Variants in MED28 observed in about 807,000 individuals in gnomAD.
MED28 encodes the protein mediator complex subunit 28, also known as mediator of RNA polymerase II transcription subunit 28.
Under a neutral mutation model 21.3 loss-of-function variants are expected in MED28, and 26 were observed. That is an observed-to-expected ratio of 1.22 (90% CI 0.89 to 1.69). The LOEUF is 1.69. Among genes scored for constraint, MED28 ranks in the 40% most tolerant of loss-of-function variants. The probability of loss-of-function intolerance (pLI) is 0.00; values close to 1 mark genes in which losing one functional copy is unlikely to be tolerated. For missense variants in MED28, 257 were observed against 215.4 expected, an observed-to-expected ratio of 1.19 and a Z score of -1.21; for synonymous variants, 110 against 87.6, an observed-to-expected ratio of 1.26 and a Z score of -1.43.
At chr4:17,616,563 C>T (rs1280043176) in intron 1 of MED28, among the ~76,000 whole-genome samples, 2 of 152,204 alleles carry the variant, frequency 1.3e-5, no homozygotes. Context: ...CCTTCAGACT[C>T]GTTTCCTTAC....
chr4:17,632,568 C>T lies in MED28; in HGVS notation c.*8770C>T, dbSNP rs754481241. 10 of 1,551,196 alleles carry T rather than the reference C, an allele frequency of 6.4e-6. No homozygotes were observed. Among genetic ancestry groups the T allele is most frequent in the South Asian group, 2.4e-5 (2 of 84,044 alleles). On this transcript the variant is annotated 3_prime_UTR_variant, in exon 4 of 4. Coordinates refer to ENST00000237380, the MANE Select transcript of MED28 (RefSeq NM_025205.5). Reference sequence around the variant, plus strand: ...AGTACTTGGTGAACCATTCCTGGTGCGGAGAGCCCTGTTTCTGCTGGACTT... The same window carrying T: ...AGTACTTGGTGAACCATTCCTGGTGTGGAGAGCCCTGTTTCTGCTGGACTT...
At chr4:17,614,890 C>T in intron 1 of MED28, 77 bp downstream of exon 1, 1 of 1,470,414 alleles carries the variant, frequency 6.8e-7, no homozygotes, top group Non-Finnish European at 9.1e-7. Context: ...CGCGTATCTC[C>T]TCCAGGGATC....
In MED28 at chr4:17,633,642, C is replaced by G; in HGVS notation, c.*9844C>G. ...GAAAGAATCCTACTTCCCCTCTTAT[C>G]TACAGGGAAATAGAATAAGGGCCCC... is the stretch of plus-strand genomic sequence containing the variant. On this transcript the variant is annotated 3_prime_UTR_variant, in exon 4 of 4. Transcript: ENST00000237380. 24 of 1,398,168 alleles carry G rather than the reference C, an allele frequency of 1.7e-5. No homozygotes were observed. Among genetic ancestry groups the G allele is most frequent in the Non-Finnish European group, 2.3e-5 (24 of 1,064,896 alleles). The allele number at this position is 1,398,168 out of a possible 1,614,324, so 86.6% of individuals were successfully genotyped here.
In MED28 at chr4:17,632,707, A is replaced by G; in HGVS notation, c.*8909A>G. 1 of 920,836 alleles carries G rather than the reference A, an allele frequency of 1.1e-6. No homozygotes were observed. Among genetic ancestry groups the G allele is most frequent in the Non-Finnish European group, 1.7e-6 (1 of 595,790 alleles). The allele number at this position is 920,836 out of a possible 1,614,324, so 57.0% of individuals were successfully genotyped here. A position where few individuals can be genotyped will look rare whatever the true frequency, so the allele number is the denominator to read the frequency against. ...TAATACCCACCATCTTTTCAGGGAA[A>G]GATAACTGCTTGTTTACTCTTCAAA... On this transcript the variant is annotated 3_prime_UTR_variant, in exon 4 of 4. Coordinates refer to ENST00000237380, the MANE Select transcript of MED28 (RefSeq NM_025205.5).
rs566778111 is a variant in MED28, at chr4:17,626,963, ATT to A, written c.*3183_*3184del. 0.55 allele frequency: 69,180 copies of A among 125,624 alleles called. 18,826 individuals carry two copies. Among genetic ancestry groups the A allele is most frequent in the East Asian group, 0.8 (3,303 of 4,128 alleles). 7.8% of individuals were successfully genotyped at this position (125,624 alleles called of 1,614,324 possible). ...CCTCAGCCTCCCAAGTAGCTGGGCT[ATT>A]TTTTTTTTTTTTTTTTTGAGATGGA... On this transcript the variant is annotated 3_prime_UTR_variant, in exon 4 of 4. Coordinates refer to ENST00000237380, the MANE Select transcript of MED28 (RefSeq NM_025205.5).
intron 1 of MED28, among the ~76,000 whole-genome samples, chr4:17,616,777 A>C (rs1455340542): frequency 2.0e-5 from 3 of 152,102 alleles, no homozygotes; most frequent in African/African-American, 7.2e-5. Flanking sequence ...TAGTGCTAAT[A>C]CAGTGGTAGT....
In MED28 at chr4:17,633,916, C is replaced by A; in HGVS notation, c.*10118C>A. 7.4e-7 allele frequency: 1 copy of A among 1,358,654 alleles called. No individual in the cohort carries two copies. The highest frequency in any genetic ancestry group is 1.6e-5 in the South Asian group (1 of 61,530). 84.2% of individuals were successfully genotyped at this position (1,358,654 alleles called of 1,614,324 possible). A position where few individuals can be genotyped will look rare whatever the true frequency, so the allele number is the denominator to read the frequency against. ...GTTTGTATTAATGGACAGGTTAGTG[C>A]AATGCAATGCAAAAAACAAAATAAA... On this transcript the variant is annotated 3_prime_UTR_variant, in exon 4 of 4. Coordinates refer to ENST00000237380, the MANE Select transcript of MED28 (RefSeq NM_025205.5).
At position 17,630,240 on chromosome 4, in the gene MED28, C is replaced by T. The variant is rs1161980197; in HGVS notation, c.*6442C>T. The T allele has an allele frequency of 2.0e-5, 3 of 152,132 alleles. No homozygotes were observed. The highest frequency in any genetic ancestry group is 4.4e-5 in the Non-Finnish European group (3 of 68,006). 9.4% of individuals were successfully genotyped at this position (152,132 alleles called of 1,614,324 possible). A position where few individuals can be genotyped will look rare whatever the true frequency, so the allele number is the denominator to read the frequency against. ...TGAAAGCACAAAATAAAGAGCAGTC[C>T]TACAGGGTTCACTGCTATGTCCTGA... On this transcript the variant is annotated 3_prime_UTR_variant, in exon 4 of 4. Transcript: ENST00000237380.
chr4:17,615,683 G>C (rs1476934430), intron 1 of MED28, among the ~76,000 whole-genome samples: 5 of 152,078 alleles, frequency 3.3e-5, no homozygotes, highest in Admixed American at 3.3e-4. Flanking sequence ...GGTGGCGTGC[G>C]CCTGTAATCC....
Position 17,633,409 on chromosome 4 carries a change from A to G in MED28, c.*9611A>G. ...CTGTATTATCTTAATTTTAAAGGCA[A>G]GGTATATGGAGACCTGGAGAGGTCA... On this transcript the variant is annotated 3_prime_UTR_variant, in exon 4 of 4. Coordinates refer to ENST00000237380, the MANE Select transcript of MED28 (RefSeq NM_025205.5). 1 of 280,976 alleles carries G rather than the reference A, an allele frequency of 3.6e-6. No individual in the cohort carries two copies. Among genetic ancestry groups the G allele is most frequent in the Non-Finnish European group, 6.6e-6 (1 of 152,400 alleles). The allele number at this position is 280,976 out of a possible 1,614,324, so 17.4% of individuals were successfully genotyped here.
rs1321890516 is a variant in MED28, at chr4:17,628,320, ATG to A, written c.*4528_*4529del. ...TGTATATGCGTATATATGTGTATGT[ATG>A]TGTGTATATATATATGTGTGTGTGT... On this transcript the variant is annotated 3_prime_UTR_variant, in exon 4 of 4. Transcript: ENST00000237380. The A allele has an allele frequency of 3.0e-5, 4 of 135,502 alleles. No homozygotes were observed. Among genetic ancestry groups the A allele is most frequent in the African/African-American group, 8.3e-5 (3 of 36,044 alleles). The allele number at this position is 135,502 out of a possible 1,614,324, so 8.4% of individuals were successfully genotyped here. A position where few individuals can be genotyped will look rare whatever the true frequency, so the allele number is the denominator to read the frequency against.
intron 1 of MED28, 88 bp from the exon 2 acceptor site, chr4:17,619,813 G>A (rs573060005): frequency 9.8e-6 from 11 of 1,127,730 alleles, no homozygotes; most frequent in Non-Finnish European, 1.5e-5. Context: ...CTCATCAGAT[G>A]ACTTCAGGAG....
Position 17,628,346 on chromosome 4 carries a change from G to GTATATATATATA in MED28, c.*4550_*4561dup, listed in dbSNP as rs374545832. 1 of 150,528 alleles carries GTATATATATATA rather than the reference G, an allele frequency of 6.6e-6. No homozygotes were observed. The highest frequency in any genetic ancestry group is 2.4e-5 in the African/African-American group (1 of 40,916). 9.3% of individuals were successfully genotyped at this position (150,528 alleles called of 1,614,324 possible). A position where few individuals can be genotyped will look rare whatever the true frequency, so the allele number is the denominator to read the frequency against. ...TGTGTGTATATATATATGTGTGTGT[G>GTATATATATATA]TATATATATATATGCAATTATACCT... On this transcript the variant is annotated 3_prime_UTR_variant, in exon 4 of 4. Transcript: ENST00000237380.
At position 17,621,672 on chromosome 4, in the gene MED28, C is replaced by T. The variant is rs1271077334; in HGVS notation, c.312C>T (p.Val104=). The change falls in exon 3 of 4, where the codon GTC becomes GTT. Residue 104 remains valine, a synonymous_variant. Transcript: ENST00000237380. ...TACAAAAAAGATTGCAGTTATCTGT[C>T]CAGAAACCAGAGCAAGTTATCAAAG... ...FFLQKRLQLS[V]QKPEQVIKED... 6.2e-7 allele frequency: 1 copy of T among 1,610,766 alleles called. No individual in the cohort carries two copies. The highest frequency in any genetic ancestry group is 1.7e-5 in the Admixed American group (1 of 59,564).
chr4:17,616,542 T>G (rs1714457318), intron 1 of MED28, among the ~76,000 whole-genome samples: 1 of 152,212 alleles, frequency 6.6e-6, no homozygotes, highest in Non-Finnish European at 1.5e-5. Flanking sequence ...GCTTTGCATG[T>G]TGCGTTCTCT....
intron 1 of MED28, among the ~76,000 whole-genome samples, chr4:17,617,497 C>T (rs1032724307): frequency 6.6e-6 from 1 of 152,190 alleles, no homozygotes; most frequent in Admixed American, 6.5e-5. Context: ...GGTAGAGAAA[C>T]TGAGGCTCAG....
chr4:17,632,223 C>T lies in MED28; in HGVS notation c.*8425C>T, dbSNP rs758610773. 46 of 171,162 alleles carry T rather than the reference C, an allele frequency of 2.7e-4. No individual in the cohort carries two copies. The highest frequency in any genetic ancestry group is 4.4e-4 in the Non-Finnish European group (35 of 79,468). 10.6% of individuals were successfully genotyped at this position (171,162 alleles called of 1,614,324 possible). ...CCAAGTACCTGGGACCACAGGCACA[C>T]GCCACCATGCCTGGCTAATTTTTGT... On this transcript the variant is annotated 3_prime_UTR_variant, in exon 4 of 4. Transcript: ENST00000237380.
At chr4:17,619,582 A>G (rs899412160) in intron 1 of MED28, among the ~76,000 whole-genome samples, 2 of 152,098 alleles carry the variant, frequency 1.3e-5, no homozygotes, top group Non-Finnish European at 1.5e-5. Flanking sequence ...GAGTTGTGTA[A>G]GCACCAGCAA....
Position 17,633,607 on chromosome 4 carries a change from C to T in MED28, c.*9809C>T. ...AAAAAAGGCCTTCTGGAATTTGGTA[C>T]CAGGTGCTAGAAAGAATCCTACTTC... is the stretch of plus-strand genomic sequence containing the variant. On this transcript the variant is annotated 3_prime_UTR_variant, in exon 4 of 4. Transcript: ENST00000237380. 1 of 1,255,172 alleles carries T rather than the reference C, an allele frequency of 8.0e-7. No homozygotes were observed. The allele number at this position is 1,255,172 out of a possible 1,614,324, so 77.8% of individuals were successfully genotyped here. A position where few individuals can be genotyped will look rare whatever the true frequency, so the allele number is the denominator to read the frequency against.
Sources: allele counts gnomAD v4.1 joint callset (sites outside exome capture counted in the v4.1 genomes callset), GRCh38; gene constraint gnomAD v4.1.1; transcripts MANE v1.5; gene names NCBI Gene and HGNC (gene_info 2026-07-23, HGNC 2026-07-21).